The following SYNE2 variants were observed in gnomAD, a reference collection of about 807,000 sequenced individuals.
SYNE2 encodes nesprin-2.
Under a neutral mutation model 856.3 loss-of-function variants are expected in SYNE2, and 431 were observed. The observed-to-expected ratio is 0.50, with a 90% CI of 0.47 to 0.55. SYNE2 has a LOEUF of 0.55. SYNE2 is among the 20% of genes least tolerant of loss of function. The pLI, the probability that SYNE2 is intolerant of heterozygous loss-of-function variation, is 0.00. For synonymous variants in SYNE2, 2,923 were observed against 2,872.3 expected, an observed-to-expected ratio of 1.02 and a Z score of -0.56; for missense variants, 8,129 against 8,023.2, an observed-to-expected ratio of 1.01 and a Z score of -0.50.
In SYNE2 at chr14:64,113,566, T is replaced by C; in HGVS notation, c.12835T>C (p.Cys4279Arg). The change falls in exon 66 of 116, where the codon TGC becomes CGC. Residue 4279 changes from cysteine to arginine, a missense_variant. Coordinates refer to ENST00000555002, the MANE Select transcript of SYNE2 (RefSeq NM_182914.3). ...GGTGCTGGAACAGCAGCTGGTAGGGTGCCAGGTAAGACTGAGAAGTCAGAG... is the reference window on the plus strand; with the variant it reads ...GGTGCTGGAACAGCAGCTGGTAGGGCGCCAGGTAAGACTGAGAAGTCAGAG... ...QQVLEQQLVG[C>R]QAMLTEIEHK... 1 of 1,605,410 alleles carries C rather than the reference T, an allele frequency of 6.2e-7. No homozygotes were observed. Among genetic ancestry groups the C allele is most frequent in the Non-Finnish European group, 8.5e-7 (1 of 1,175,960 alleles).
chr14:64,071,862 CA>C (rs1382422189), intron 52 of SYNE2, among the ~76,000 whole-genome samples: 2 of 151,122 alleles, frequency 1.3e-5, no homozygotes, highest in Non-Finnish European at 2.9e-5. Context: ...ACTAAAAATA[CA>C]AAAAATTAGC....
At chr14:64,001,493 T>C (rs1233826335) in intron 28 of SYNE2, among the ~76,000 whole-genome samples, 3 of 152,134 alleles carry the variant, frequency 2.0e-5, no homozygotes, top group Non-Finnish European at 4.4e-5. Context: ...GAGACCAGCC[T>C]GGTCAACATG....
chr14:64,180,703 C>T (rs1354425172), intron 96 of SYNE2, among the ~76,000 whole-genome samples: 2 of 152,096 alleles, frequency 1.3e-5, no homozygotes, highest in Non-Finnish European at 2.9e-5. Flanking sequence ...GGGGTTTCAC[C>T]ATGTTGGCCA....
chr14:63,880,170 A>C (rs1365790242), intron 1 of SYNE2, among the ~76,000 whole-genome samples: 1 of 152,152 alleles, frequency 6.6e-6, no homozygotes, highest in Non-Finnish European at 1.5e-5. Flanking sequence ...GGCTCACTGC[A>C]ACCTCCGCTT....
intron 1 of SYNE2, among the ~76,000 whole-genome samples, chr14:63,827,706 A>C (rs187520289): frequency 6.7e-6 from 1 of 150,124 alleles, no homozygotes; most frequent in Non-Finnish European, 1.5e-5. Flanking sequence ...TTTTTTTTAC[A>C]GCAAAGAAAG....
chr14:63,996,096 C>T (rs1213479593), intron 23 of SYNE2, among the ~76,000 whole-genome samples: 1 of 152,162 alleles, frequency 6.6e-6, no homozygotes, highest in Non-Finnish European at 1.5e-5. Context: ...TCAGCAAGCT[C>T]AAAACTGAAC....
At chr14:64,133,801 C>G (rs1300134275) in intron 77 of SYNE2, among the ~76,000 whole-genome samples, 1 of 152,166 alleles carries the variant, frequency 6.6e-6, no homozygotes, top group East Asian at 1.9e-4. Context: ...CTCCTTTAGT[C>G]ATGTTACCCA....
intron 11 of SYNE2, 85 bp downstream of exon 11, chr14:63,967,931 G>C: frequency 7.1e-7 from 1 of 1,405,732 alleles, no homozygotes; most frequent in Non-Finnish European, 1.0e-6. Flanking sequence ...GGGAGACCAA[G>C]GCGGGTGGAT....
At chr14:64,149,782 C>T (rs1293184732) in intron 84 of SYNE2, among the ~76,000 whole-genome samples, 1 of 152,054 alleles carries the variant, frequency 6.6e-6, no homozygotes, top group African/African-American at 2.4e-5. Context: ...TAATTCCACC[C>T]TGATTTATGT....
chr14:63,894,602 G>C (rs1390907814), intron 1 of SYNE2, among the ~76,000 whole-genome samples: 1 of 152,124 alleles, frequency 6.6e-6, no homozygotes, highest in Non-Finnish European at 1.5e-5. Context: ...GCAGAGCCTG[G>C]ACTGCTGTTC....
chr14:63,827,625 C>CAAAAAAAAAAAAAAAAAAA (rs11334415), intron 1 of SYNE2, among the ~76,000 whole-genome samples: 29 of 28,406 alleles, frequency 1.0e-3, no homozygotes, highest in East Asian at 4.1e-3. Context: ...AACTCTGTCT[C>CAAAAAAAAAAAAAAAAAAA]AAAAAAAAAA....
intron 49 of SYNE2, 61 bp from the exon 50 acceptor site, chr14:64,062,690 T>C: frequency 6.9e-7 from 1 of 1,455,990 alleles, no homozygotes; most frequent in African/African-American, 1.4e-5. Flanking sequence ...TCTGGGAAAT[T>C]TTGAATTTAT....
chr14:63,816,382 C>A (rs1304729721), intron 1 of SYNE2, among the ~76,000 whole-genome samples: 1 of 152,278 alleles, frequency 6.6e-6, no homozygotes, highest in East Asian at 1.9e-4. Context: ...ATGGAACAAT[C>A]TATCAACTCA....
chr14:64,100,160 A>G (rs1180461403), intron 63 of SYNE2: 4 of 151,998 alleles, frequency 2.6e-5, no homozygotes, highest in Non-Finnish European at 4.4e-5. Context: ...ATAAAAAATG[A>G]TGAGTTCATG....
chr14:64,173,097 G>C (rs189174615), intron 94 of SYNE2, among the ~76,000 whole-genome samples: 2 of 152,178 alleles, frequency 1.3e-5, no homozygotes, highest in East Asian at 1.9e-4. Context: ...TGGTGAGTCC[G>C]GGTCTTAGGC....
At chr14:64,087,421 T>A (rs558299022) in intron 57 of SYNE2, 1 of 649,652 alleles carries the variant, frequency 1.5e-6, no homozygotes, top group East Asian at 3.4e-5. Flanking sequence ...TATTAAAGGA[T>A]TCCAAGTGTT....
intron 2 of SYNE2, among the ~76,000 whole-genome samples, chr14:63,935,970 A>G (rs1470292478): frequency 6.6e-6 from 1 of 152,160 alleles, no homozygotes; most frequent in Non-Finnish European, 1.5e-5. Flanking sequence ...TCCCTGCCAC[A>G]TTCAAGCGAT....
intron 8 of SYNE2, among the ~76,000 whole-genome samples, chr14:63,961,111 A>G (rs1034097964): frequency 7.9e-5 from 12 of 152,202 alleles, no homozygotes; most frequent in Non-Finnish European, 1.5e-4. Flanking sequence ...CACACATGCC[A>G]AGACCAACAT....
chr14:64,137,858 G>A lies in SYNE2; in HGVS notation c.14718G>A (p.Val4906=). ...YQTLNEGKQL[V]ASVSCPELEG... ...CTCTGAACGAAGGCAAACAGTTGGT[G>A]GCGTCTGTGAGCTGTCCTGAATTAG... The change falls in exon 79 of 116, where the codon GTG becomes GTA. Residue 4906 remains valine (V), a synonymous_variant. Transcript: ENST00000555002. 2 of 1,614,198 alleles carry A rather than the reference G, an allele frequency of 1.2e-6. No individual in the cohort carries two copies. Among genetic ancestry groups the A allele is most frequent in the South Asian group, 2.2e-5 (2 of 91,086 alleles).
Sources: allele counts gnomAD v4.1 joint callset (sites outside exome capture counted in the v4.1 genomes callset), GRCh38; gene constraint gnomAD v4.1.1; transcripts MANE v1.5; gene names NCBI Gene and HGNC (gene_info 2026-07-23, HGNC 2026-07-21).